SCN9A: variants seen among roughly 807,000 people sequenced by gnomAD.
SCN9A encodes the protein sodium channel protein type 9 subunit alpha.
SCN9A carries 131 observed loss-of-function variants against 187.0 expected under a neutral mutation model. That is an observed-to-expected ratio of 0.70 (90% confidence interval 0.61 to 0.81). The LOEUF is 0.81. SCN9A is among the 30% of genes least tolerant of loss of function. The pLI is 0.00. For synonymous variants in SCN9A, 809 were observed against 808.6 expected (o/e 1.00, Z -0.01); for missense variants, 2,252 against 2,396.6 (o/e 0.94, Z 1.26).
At chr2:166,255,456 C>T (rs1696225608) in intron 17 of SCN9A, among the ~76,000 whole-genome samples, 1 of 135,992 alleles carries the variant, frequency 7.4e-6, no homozygotes, top group South Asian at 2.5e-4. Flanking sequence ...AAGCCTATTT[C>T]ATGCTATCAT....
chr2:166,222,142 GAA>G (rs1263136610), intron 24 of SCN9A, among the ~76,000 whole-genome samples: 4 of 151,882 alleles, frequency 2.6e-5, no homozygotes, highest in African/African-American at 9.7e-5. Flanking sequence ...AAAGCTTTGG[GAA>G]AAAAAGGAAG....
At chr2:166,311,914 G>A in intron 1 of SCN9A, 108 bp from the exon 2 acceptor site, 1 of 600,220 alleles carries the variant, frequency 1.7e-6, no homozygotes, top group Admixed American at 3.2e-5. Flanking sequence ...ACTACAAAAG[G>A]TAACATGTTC....
intron 26 of SCN9A, among the ~76,000 whole-genome samples, chr2:166,202,818 T>A (rs981050366): frequency 1.3e-5 from 2 of 151,818 alleles, no homozygotes; most frequent in Non-Finnish European, 3.0e-5. Flanking sequence ...AATTTGTACC[T>A]TTTGAACTCT....
chr2:166,326,824 CAT>C (rs1699374428), intron 1 of SCN9A, among the ~76,000 whole-genome samples: 1 of 152,162 alleles, frequency 6.6e-6, no homozygotes, highest in Non-Finnish European at 1.5e-5. Context: ...AAGCAGATGT[CAT>C]ATATTAATCA....
intron 1 of SCN9A, among the ~76,000 whole-genome samples, chr2:166,337,047 A>T (rs764653324): frequency 1.2e-4 from 18 of 152,254 alleles, no homozygotes; most frequent in East Asian, 5.8e-4. Context: ...CATAGTCTAG[A>T]GGGTAAATTT....
intron 1 of SCN9A, among the ~76,000 whole-genome samples, chr2:166,374,516 T>A (rs1383834016): frequency 6.6e-6 from 1 of 152,118 alleles, no homozygotes; most frequent in Non-Finnish European, 1.5e-5. Flanking sequence ...AAGAAAAAAT[T>A]ATAAACTTTT....
intron 1 of SCN9A, among the ~76,000 whole-genome samples, chr2:166,313,961 G>C (rs1008974083): frequency 6.6e-6 from 1 of 152,130 alleles, no homozygotes; most frequent in African/African-American, 2.4e-5. Context: ...AGGGAAGCCT[G>C]AGGAAAGGGA....
intron 17 of SCN9A, among the ~76,000 whole-genome samples, chr2:166,269,182 C>T (rs1696868879): frequency 6.6e-6 from 1 of 151,830 alleles, no homozygotes; most frequent in African/African-American, 2.4e-5. Context: ...GATTTTTAGA[C>T]AACTCAGTTT....
intron 1 of SCN9A, among the ~76,000 whole-genome samples, chr2:166,360,231 AAAAAG>A (rs552522135): frequency 0.14 from 18,536 of 127,876 alleles, 2,312 homozygotes; most frequent in African/African-American, 0.21. Flanking sequence ...AAAAAAAAAA[AAAAAG>A]AAAAAAAAAA....
Position 166,198,683 on chromosome 2 carries a change from T to C in SCN9A, c.5956A>G (p.Ser1986Gly), listed in dbSNP as rs200785571. 82 of 1,592,248 alleles carry C rather than the reference T, an allele frequency of 5.1e-5. No individual in the cohort carries two copies. The highest frequency in any genetic ancestry group is 6.2e-5 in the Non-Finnish European group (73 of 1,170,964). ...KEDKGKDSKE[S>G]KK is the part of the protein sequence containing the mutation. ...TCAAAAATGAAGCTCTATTTTTTGC[T>C]TTCCTTGCTGTCTTTCCCTTTGTCT... Residue 1986 changes from serine (S) to glycine (G), a missense_variant, in exon 27 of 27, where the codon AGC becomes GGC. Physicochemically the swap from Ser to Gly is moderately conservative, Grantham distance 56 (BLOSUM62 0). Coordinates refer to ENST00000642356, the MANE Select transcript of SCN9A (RefSeq NM_001365536.1).
intron 16 of SCN9A, among the ~76,000 whole-genome samples, chr2:166,273,662 TA>T (rs34409542): frequency 0.19 from 27,239 of 145,972 alleles, 3,817 homozygotes; most frequent in African/African-American, 0.39. Flanking sequence ...CTCCACATTG[TA>T]AAAAAAAAAA....
intron 1 of SCN9A, among the ~76,000 whole-genome samples, chr2:166,321,691 A>C (rs1282780248): frequency 6.6e-6 from 1 of 152,144 alleles, no homozygotes; most frequent in African/African-American, 2.4e-5. Flanking sequence ...AAGGGTAAAA[A>C]AAAGTTTTTC....
rs1693300934 is a variant in SCN9A, at chr2:166,198,232, A to G, written c.*440T>C. The G allele has an allele frequency of 6.3e-6, 1 of 159,826 alleles. No individual in the cohort carries two copies. 9.9% of individuals were successfully genotyped at this position (159,826 alleles called of 1,614,324 possible). On this transcript the variant is annotated 3_prime_UTR_variant, in exon 27 of 27. Transcript: ENST00000642356. ...TAACTAATGTCCATTACTTCTATCAAGCATTTCATTGCAAAGCCAAGGCAA... is the reference window on the plus strand; with the variant it reads ...TAACTAATGTCCATTACTTCTATCAGGCATTTCATTGCAAAGCCAAGGCAA...
intron 8 of SCN9A, 63 bp from the exon 9 acceptor site, chr2:166,293,435 C>T (rs1027516490): frequency 6.4e-6 from 9 of 1,410,504 alleles, no homozygotes; most frequent in African/African-American, 1.4e-5. Context: ...AATAGCCTTA[C>T]TGAAAAGTTA....
At chr2:166,360,762 T>A (rs1700265206) in intron 1 of SCN9A, among the ~76,000 whole-genome samples, 1 of 152,332 alleles carries the variant, frequency 6.6e-6, no homozygotes, top group African/African-American at 2.4e-5. Context: ...CCACAGTGCC[T>A]AGGCTAAATA....
At chr2:166,217,728 A>G (rs1195438468) in intron 24 of SCN9A, among the ~76,000 whole-genome samples, 2 of 152,130 alleles carry the variant, frequency 1.3e-5, no homozygotes, top group Non-Finnish European at 2.9e-5. Flanking sequence ...GTTGATGAGG[A>G]TGTGGAGAAA....
Position 166,233,453 on chromosome 2 carries a change from C to G in SCN9A, c.3811G>C (p.Val1271Leu). Residue 1271 changes from valine (V) to leucine (L), a missense_variant, in exon 21 of 27, where the codon GTT becomes CTT. By Grantham distance (32) the Val-to-Leu change is conservative. Transcript: ENST00000642356. ...LDFLIVDVSL[V>L]TLVANTLGYS... ...CCAAGAGTGTTTGCCACTAAAGTAA[C>G]CAAAGAAACCTATAAAAATAACATT... The G allele has an allele frequency of 6.4e-7, 1 of 1,563,970 alleles. No homozygotes were observed. Among genetic ancestry groups the G allele is most frequent in the Non-Finnish European group, 8.6e-7 (1 of 1,164,462 alleles).
chr2:166,222,978 A>G (rs35822124), intron 24 of SCN9A, among the ~76,000 whole-genome samples: 13,377 of 125,746 alleles, frequency 0.11, 1,490 homozygotes, highest in East Asian at 0.25. Flanking sequence ...AAAAACAGCA[A>G]CAAAAAACCG....
intron 12 of SCN9A, among the ~76,000 whole-genome samples, chr2:166,282,231 AT>A (rs1697522213): frequency 6.6e-6 from 1 of 152,204 alleles, no homozygotes; most frequent in African/African-American, 2.4e-5. Context: ...GAATCTCAGT[AT>A]TCTCTGATAA....
Sources: allele counts gnomAD v4.1 joint callset (sites outside exome capture counted in the v4.1 genomes callset), GRCh38; gene constraint gnomAD v4.1.1; transcripts MANE v1.5; gene names NCBI Gene and HGNC (gene_info 2026-07-23, HGNC 2026-07-21).